FRMD4A: variants seen among roughly 807,000 people sequenced by gnomAD.
The protein encoded by FRMD4A is FERM domain-containing protein 4A.
In FRMD4A, 29 loss-of-function variants were observed where a neutral mutation model predicts 129.1. The ratio of observed to expected loss-of-function variants is 0.22; its 90% CI spans 0.17 to 0.31. The LOEUF (loss-of-function observed/expected upper bound fraction) is 0.31, where lower values mean the gene tolerates loss of function less well. FRMD4A is among the 10% of genes least tolerant of loss of function. FRMD4A has a pLI of 1.00. For synonymous variants in FRMD4A, 634 were observed against 571.6 expected, an observed-to-expected ratio of 1.11 and a Z score of -1.56; for missense variants, 1,272 against 1,375.8, an observed-to-expected ratio of 0.92 and a Z score of 1.19.
At chr10:13,689,201 G>C (rs1465268119) in intron 15 of FRMD4A, among the ~76,000 whole-genome samples, 1 of 15,058 alleles carries the variant, frequency 6.6e-5, no homozygotes, top group Non-Finnish European at 1.5e-4. Context: ...CTCTTTGCGG[G>C]GGGGGGGGGG....
chr10:14,223,811 T>C (rs1843345623), intron 2 of FRMD4A, among the ~76,000 whole-genome samples: 2 of 146,776 alleles, frequency 1.4e-5, no homozygotes, highest in Non-Finnish European at 3.0e-5. Flanking sequence ...ATGCAACATA[T>C]GGCTAAAAGA....
At chr10:13,955,290 T>C (rs2095403636) in intron 2 of FRMD4A, among the ~76,000 whole-genome samples, 1 of 152,102 alleles carries the variant, frequency 6.6e-6, no homozygotes, top group Non-Finnish European at 1.5e-5. Context: ...GTATTTTTAG[T>C]GGAGACGGGG....
intron 15 of FRMD4A, chr10:13,693,346 T>C: frequency 8.2e-6 from 2 of 242,440 alleles, no homozygotes; most frequent in Non-Finnish European, 1.5e-5. Context: ...ACAAAATGAC[T>C]TGGCCAAGGC....
At chr10:13,945,030 C>T (rs1302219301) in intron 2 of FRMD4A, among the ~76,000 whole-genome samples, 4 of 152,122 alleles carry the variant, frequency 2.6e-5, no homozygotes, top group Admixed American at 6.5e-5. Context: ...TTCCAGTGAT[C>T]GCCCCTCCGG....
At chr10:14,329,942 T>C (rs184022109) in intron 2 of FRMD4A, 116 bp downstream of exon 2, 10 of 944,688 alleles carry the variant, frequency 1.1e-5, no homozygotes, top group Non-Finnish European at 1.7e-5. Flanking sequence ...GCCTGCGGGA[T>C]AAAGCGGAGC....
chr10:14,152,123 T>A (rs1280449329), intron 2 of FRMD4A, among the ~76,000 whole-genome samples: 2 of 123,308 alleles, frequency 1.6e-5, no homozygotes, highest in Admixed American at 7.8e-5. Flanking sequence ...AGTGCTTTTT[T>A]TTTTTTTTTT....
At chr10:14,189,557 A>T (rs1842254452) in intron 2 of FRMD4A, among the ~76,000 whole-genome samples, 1 of 152,202 alleles carries the variant, frequency 6.6e-6, no homozygotes, top group Non-Finnish European at 1.5e-5. Context: ...CTGGGCAACA[A>T]GAGTGAAACT....
At chr10:13,890,254 C>T (rs2094679214) in intron 2 of FRMD4A, among the ~76,000 whole-genome samples, 1 of 152,222 alleles carries the variant, frequency 6.6e-6, no homozygotes, top group Non-Finnish European at 1.5e-5. Flanking sequence ...GTCTTCCTCT[C>T]CCTGACTGCT....
rs2095521085 is a variant in FRMD4A at position 13,971,948 on chromosome 10, C to T, written c.46-113036G>A. 3 of 1,211,760 alleles carry T rather than the reference C, an allele frequency of 2.5e-6. No individual in the cohort carries two copies. The South Asian group carries it at 4.4e-5, about 18-fold the overall frequency. The allele number at this position is 1,211,760 out of a possible 1,614,324, so 75.1% of individuals were successfully genotyped here. A position where few individuals can be genotyped will look rare whatever the true frequency, so the allele number is the denominator to read the frequency against. On this transcript the variant is annotated intron_variant, in intron 2 of 24. Coordinates refer to ENST00000357447, the MANE Select transcript of FRMD4A (RefSeq NM_018027.5). The stretch of plus-strand genomic sequence containing the variant: ...AAATAACTCTGATTCCTCTGACTCT[C>T]CTCCCCCTACCTACCCTCACCACCA...
intron 3 of FRMD4A, among the ~76,000 whole-genome samples, chr10:13,827,244 C>T (rs1372513478): frequency 1.3e-5 from 2 of 152,114 alleles, no homozygotes; most frequent in East Asian, 3.9e-4. Flanking sequence ...TAAGGGGTAT[C>T]AGGCATCATG....
At chr10:13,834,126 C>T (rs1037615062) in intron 3 of FRMD4A, among the ~76,000 whole-genome samples, 1 of 151,934 alleles carries the variant, frequency 6.6e-6, no homozygotes, top group Non-Finnish European at 1.5e-5. Flanking sequence ...TAGCTGGGCA[C>T]GGTGGTGGGT....
At chr10:13,820,135 G>A (rs991457170) in intron 3 of FRMD4A, among the ~76,000 whole-genome samples, 1 of 152,180 alleles carries the variant, frequency 6.6e-6, no homozygotes, top group Non-Finnish European at 1.5e-5. Flanking sequence ...GGAAGAGGTG[G>A]GGAAGCGATT....
intron 2 of FRMD4A, among the ~76,000 whole-genome samples, chr10:13,925,131 G>T (rs924378140): frequency 2.0e-5 from 3 of 150,668 alleles, no homozygotes; most frequent in Non-Finnish European, 4.4e-5. Flanking sequence ...ATTAATACAG[G>T]CTGCAATTGT....
chr10:14,018,212 C>T (rs774376123), intron 2 of FRMD4A, among the ~76,000 whole-genome samples: 1 of 150,898 alleles, frequency 6.6e-6, no homozygotes, highest in African/African-American at 2.4e-5. Flanking sequence ...TTTGGAAGGC[C>T]GAGGCAGGCA....
intron 13 of FRMD4A, among the ~76,000 whole-genome samples, chr10:13,704,930 C>T (rs940390510): frequency 8.6e-5 from 13 of 150,378 alleles, no homozygotes; most frequent in Non-Finnish European, 1.5e-4. Context: ...AAGCTGGGTA[C>T]GGTGGTGTGT....
intron 2 of FRMD4A, among the ~76,000 whole-genome samples, chr10:14,122,462 C>T (rs893309426): frequency 2.6e-5 from 4 of 151,994 alleles, no homozygotes; most frequent in Non-Finnish European, 5.9e-5. Context: ...GGTTTAATTG[C>T]TTCCTGGGTC....
At chr10:14,014,896 T>TTCCC (rs1176120189) in intron 2 of FRMD4A, among the ~76,000 whole-genome samples, 4 of 151,962 alleles carry the variant, frequency 2.6e-5, no homozygotes, top group South Asian at 4.2e-4. Context: ...AGATACATTT[T>TTCCC]TCCCTCCCTC....
At chr10:13,926,310 T>G (rs550111194) in intron 2 of FRMD4A, among the ~76,000 whole-genome samples, 1 of 152,304 alleles carries the variant, frequency 6.6e-6, no homozygotes, top group South Asian at 2.1e-4. Context: ...CTGGTCCAGA[T>G]AGTTGAGATT....
intron 2 of FRMD4A, among the ~76,000 whole-genome samples, chr10:14,110,148 G>C (rs376423957): frequency 1.3e-4 from 4 of 31,146 alleles, no homozygotes; most frequent in African/African-American, 2.4e-4. Flanking sequence ...AAAAAAAAAA[G>C]CTCTTTTCTT....
Sources: allele counts gnomAD v4.1 joint callset (sites outside exome capture counted in the v4.1 genomes callset), GRCh38; gene constraint gnomAD v4.1.1; transcripts MANE v1.5; gene names NCBI Gene and HGNC (gene_info 2026-07-23, HGNC 2026-07-21).